Variants in CORO7 observed in about 807,000 individuals in gnomAD.
The protein encoded by CORO7 is coronin-7.
CORO7 carries 107 observed loss-of-function variants against 126.6 expected under a neutral mutation model. The observed-to-expected ratio is 0.85, with a 90% CI of 0.72 to 0.99. The LOEUF is 0.99. CORO7 is among the 50% of genes least tolerant of loss of function. The probability of loss-of-function intolerance (pLI) is 0.00; values close to 1 mark genes in which losing one functional copy is unlikely to be tolerated. For missense variants in CORO7, 1,314 were observed against 1,255.8 expected (o/e 1.05, Z -0.70); for synonymous variants, 603 against 536.8 (o/e 1.12, Z -1.70).
chr16:4,398,208 C>T (rs1309204300), intron 6 of CORO7, among the ~76,000 whole-genome samples: 4 of 152,158 alleles, frequency 2.6e-5, no homozygotes, highest in African/African-American at 7.2e-5. Flanking sequence ...GTGTGAGCCA[C>T]CAGGCCTGGT....
At chr16:4,376,929 C>G (rs1040641858) in intron 9 of CORO7, among the ~76,000 whole-genome samples, 1 of 152,198 alleles carries the variant, frequency 6.6e-6, no homozygotes, top group Admixed American at 6.5e-5. Flanking sequence ...AGGGGGCAGG[C>G]AGAGTTCTGC....
At chr16:4,377,377 C>T (rs2054775782) in intron 9 of CORO7, among the ~76,000 whole-genome samples, 2 of 152,144 alleles carry the variant, frequency 1.3e-5, no homozygotes. Flanking sequence ...CGGCGGCAAC[C>T]ACCGTGTGAC....
At chr16:4,359,668 G>C in intron 21 of CORO7, 47 bp from the exon 22 acceptor site, 1 of 1,546,346 alleles carries the variant, frequency 6.5e-7, no homozygotes, top group Non-Finnish European at 8.7e-7. Flanking sequence ...GAGCTGAAGG[G>C]GCCTGGGGCA....
At position 4,359,510 on chromosome 16, in the gene CORO7, T is replaced by C. The variant is rs1302585667; in HGVS notation, c.2220A>G (p.Pro740=). ...CGGTCAGGAGCACCAGGCCAGTGTC[T>C]GGGTCGTAGCTGGGCAGCAGGGTTG... ...APSTLLPSYD[P]DTGLVLLTGK... is the part of the protein sequence containing the mutation. The change falls in exon 22 of 28, where the codon CCA becomes CCG. Residue 740 remains proline, a synonymous_variant. Coordinates refer to ENST00000251166, the MANE Select transcript of CORO7 (RefSeq NM_024535.5). The C allele has an allele frequency of 1.2e-6, 2 of 1,613,332 alleles. No homozygotes were observed. Among genetic ancestry groups the C allele is most frequent in the Non-Finnish European group, 1.7e-6 (2 of 1,179,972 alleles).
chr16:4,364,566 G>A (rs1054536450), intron 13 of CORO7, 31 bp downstream of exon 13: 1 of 1,543,202 alleles, frequency 6.5e-7, no homozygotes, highest in African/African-American at 1.4e-5. Context: ...ACTCGGGGAG[G>A]CTGGGAGAGG....
intron 5 of CORO7, among the ~76,000 whole-genome samples, chr16:4,405,975 T>C (rs1403490328): frequency 1.3e-5 from 2 of 152,194 alleles, no homozygotes; most frequent in Non-Finnish European, 2.9e-5. Flanking sequence ...CCAGGTTAAA[T>C]TGTGCTCCCC....
At chr16:4,358,193 G>A in intron 24 of CORO7, 90 bp from the exon 25 acceptor site, 1 of 1,552,494 alleles carries the variant, frequency 6.4e-7, no homozygotes, top group Admixed American at 1.9e-5. Context: ...GCAAGACCTG[G>A]GACCCTCCCA....
intron 21 of CORO7, 81 bp from the exon 22 acceptor site, chr16:4,359,702 C>A: frequency 6.7e-7 from 1 of 1,497,578 alleles, no homozygotes; most frequent in Admixed American, 2.3e-5. Flanking sequence ...CACGTAGCCC[C>A]TGCTCTGTTC....
In CORO7 at chr16:4,357,248, G is replaced by A; in HGVS notation, c.2605C>T (p.Pro869Ser). ...GCCCGACGAGCAGGGGCCTCTCGGG[G>A]GGCTTGGCTCACTGGGACAGAGCAA... ...PPDMSPVSQA[P>S]REAPARRAPS... The change falls in exon 26 of 28, where the codon CCC becomes TCC. Residue 869 changes from proline to serine, a missense_variant. Transcript: ENST00000251166. 1 of 1,613,332 alleles carries A rather than the reference G, an allele frequency of 6.2e-7. No individual in the cohort carries two copies. Among genetic ancestry groups the A allele is most frequent in the Non-Finnish European group, 8.5e-7 (1 of 1,179,772 alleles).
chr16:4,360,690 C>A (rs1317567596), intron 19 of CORO7, 142 bp from the exon 20 acceptor site: 1 of 1,320,610 alleles, frequency 7.6e-7, no homozygotes, highest in East Asian at 2.5e-5. Context: ...TCTTGCCTCT[C>A]CTCACTGCTG....
At chr16:4,383,080 G>A (rs1478378453) in intron 9 of CORO7, 3 of 676,374 alleles carry the variant, frequency 4.4e-6, no homozygotes, top group African/African-American at 1.9e-5. Context: ...GTGAGATGCT[G>A]TGGCCCAGCT....
At chr16:4,391,436 A>G (rs1326871704) in intron 7 of CORO7, among the ~76,000 whole-genome samples, 5 of 152,192 alleles carry the variant, frequency 3.3e-5, no homozygotes, top group Non-Finnish European at 7.4e-5. Context: ...GGCGCCTGTA[A>G]TCCCAGCTAC....
intron 25 of CORO7, chr16:4,357,571 G>C: frequency 3.0e-6 from 1 of 336,982 alleles, no homozygotes; most frequent in East Asian, 6.5e-5. Context: ...GGCCAGGCTG[G>C]TCTCAAACCC....
intron 8 of CORO7, 35 bp downstream of exon 8, chr16:4,388,510 G>A: frequency 6.3e-7 from 1 of 1,597,788 alleles, no homozygotes. Flanking sequence ...GTCCCCACCT[G>A]GCCGTGCCCT....
In CORO7 at chr16:4,364,381, C is replaced by A; in HGVS notation, c.1170G>T (p.Arg390=). ...GACAGGAAGTGAAGCTCGGGTGGGGCCGGCAGGCGGGGTTGAGGCTGACCT... is the reference window on the plus strand; with the variant it reads ...GACAGGAAGTGAAGCTCGGGTGGGGACGGCAGGCGGGGTTGAGGCTGACCT... The part of the protein sequence containing the change: ...VQKVSLNPAC[R]PHPSFTSCLV... Residue 390 remains arginine (R), a synonymous_variant, in exon 14 of 28, where the codon CGG becomes CGT. Transcript: ENST00000251166. The A allele has an allele frequency of 1.3e-6, 2 of 1,515,142 alleles. No homozygotes were observed. The highest frequency in any genetic ancestry group is 1.8e-6 in the Non-Finnish European group (2 of 1,134,358). 93.9% of individuals were successfully genotyped at this position (1,515,142 alleles called of 1,614,324 possible).
chr16:4,374,501 G>A (rs1174731620), intron 9 of CORO7, among the ~76,000 whole-genome samples: 1 of 152,168 alleles, frequency 6.6e-6, no homozygotes, highest in Non-Finnish European at 1.5e-5. Context: ...TTCCTCAGGG[G>A]CTGCCTGAGA....
chr16:4,377,030 A>G (rs2054757613), intron 9 of CORO7, among the ~76,000 whole-genome samples: 1 of 152,134 alleles, frequency 6.6e-6, no homozygotes, highest in Non-Finnish European at 1.5e-5. Flanking sequence ...CACAGGCACC[A>G]CGAGCACCAC....
At chr16:4,389,678 C>G (rs2055319143) in intron 7 of CORO7, among the ~76,000 whole-genome samples, 1 of 152,232 alleles carries the variant, frequency 6.6e-6, no homozygotes, top group Non-Finnish European at 1.5e-5. Context: ...AGAACCAAGG[C>G]CCCACTGCCC....
Position 4,387,869 on chromosome 16 carries a change from G to T in CORO7, c.785+117C>A, listed in dbSNP as rs113264428. On this transcript the variant is annotated intron_variant, in intron 9 of 27. Coordinates refer to ENST00000251166, the MANE Select transcript of CORO7 (RefSeq NM_024535.5). ...TGCAAGGCCTTGCAGCCCAGATCAG[G>T]TACCCCAGAACACCCCGGAGATCAG... 4,319 of 1,318,500 alleles carry T rather than the reference G, an allele frequency of 3.3e-3. 114 individuals are homozygous for T. The African/African-American group carries it at 0.051, about 16-fold the overall frequency. The allele number at this position is 1,318,500 out of a possible 1,614,324, so 81.7% of individuals were successfully genotyped here.
Sources: allele counts gnomAD v4.1 joint callset (sites outside exome capture counted in the v4.1 genomes callset), GRCh38; gene constraint gnomAD v4.1.1; transcripts MANE v1.5; gene names NCBI Gene and HGNC (gene_info 2026-07-23, HGNC 2026-07-21).